ZNF423: variants seen among roughly 807,000 people sequenced by gnomAD.
The protein encoded by ZNF423 is Ebf-associated zinc finger protein.
ZNF423 carries 12 observed loss-of-function variants against 95.8 expected under a neutral mutation model. The observed-to-expected ratio is 0.13, with a 90% CI of 0.08 to 0.20. The LOEUF is 0.20. Ranked by LOEUF, ZNF423 falls within the 10% of genes least tolerant of loss-of-function variation. ZNF423 has a pLI of 1.00. For missense variants in ZNF423, 1,316 were observed against 1,737.1 expected (o/e 0.76, Z 4.31); for synonymous variants, 749 against 711.9 (o/e 1.05, Z -0.83).
chr16:49,806,601 T>C (rs969344023), intron 1 of ZNF423, among the ~76,000 whole-genome samples: 4 of 152,210 alleles, frequency 2.6e-5, no homozygotes, highest in South Asian at 2.1e-4. Flanking sequence ...GAGTCTGTCA[T>C]TGAAAACTGA....
chr16:49,605,181 T>A (rs748884795), intron 5 of ZNF423, among the ~76,000 whole-genome samples: 24 of 152,130 alleles, frequency 1.6e-4, no homozygotes, highest in Non-Finnish European at 2.9e-4. Flanking sequence ...AGATGTAGTA[T>A]CGACCAGAAT....
chr16:49,716,142 G>C (rs1197828209), intron 3 of ZNF423, among the ~76,000 whole-genome samples: 1 of 152,050 alleles, frequency 6.6e-6, no homozygotes, highest in Non-Finnish European at 1.5e-5. Context: ...AGAAAAGGCT[G>C]GGTACAGGCT....
chr16:49,626,087 A>G, intron 5 of ZNF423, 83 bp downstream of exon 5: 1 of 1,371,336 alleles, frequency 7.3e-7, no homozygotes, highest in South Asian at 1.2e-5. Context: ...TTGGCCTAAA[A>G]GCCAGTAAAA....
chr16:49,532,646 C>A (rs1968895362), intron 5 of ZNF423, among the ~76,000 whole-genome samples: 1 of 152,164 alleles, frequency 6.6e-6, no homozygotes, highest in African/African-American at 2.4e-5. Context: ...GTAAAAACAT[C>A]ACCTGGGGAG....
At chr16:49,802,698 G>A (rs2143908638) in intron 1 of ZNF423, among the ~76,000 whole-genome samples, 1 of 146,586 alleles carries the variant, frequency 6.8e-6, no homozygotes, top group South Asian at 2.4e-4. Flanking sequence ...TTCCAAATAT[G>A]TCAGAAACAC....
intron 5 of ZNF423, among the ~76,000 whole-genome samples, chr16:49,559,475 C>T (rs986734434): frequency 6.6e-6 from 1 of 152,216 alleles, no homozygotes; most frequent in Non-Finnish European, 1.5e-5. Flanking sequence ...TGAAATTCCT[C>T]CAACTCTCTC....
intron 3 of ZNF423, among the ~76,000 whole-genome samples, chr16:49,646,332 A>G (rs1973167039): frequency 6.6e-6 from 1 of 152,168 alleles, no homozygotes; most frequent in Non-Finnish European, 1.5e-5. Context: ...CATATTCCTG[A>G]TCACTTCTTG....
intron 4 of ZNF423, among the ~76,000 whole-genome samples, chr16:49,629,505 T>C (rs1480750570): frequency 6.6e-6 from 1 of 152,176 alleles, no homozygotes; most frequent in Non-Finnish European, 1.5e-5. Flanking sequence ...ACCCCCTCCA[T>C]CCTTGACTCA....
chr16:49,746,026 C>A (rs148244800), intron 2 of ZNF423, among the ~76,000 whole-genome samples: 3 of 152,078 alleles, frequency 2.0e-5, no homozygotes, highest in Non-Finnish European at 4.4e-5. Flanking sequence ...TGAGGAAGTA[C>A]GTAATTTCAT....
chr16:49,627,220 C>T (rs1300273026), intron 4 of ZNF423, among the ~76,000 whole-genome samples: 1 of 148,746 alleles, frequency 6.7e-6, no homozygotes, highest in Non-Finnish European at 1.5e-5. Context: ...ATCTACTCCA[C>T]CCATCCATCC....
At chr16:49,529,674 G>A (rs773145155) in intron 5 of ZNF423, among the ~76,000 whole-genome samples, 5 of 152,166 alleles carry the variant, frequency 3.3e-5, no homozygotes, top group Non-Finnish European at 5.9e-5. Flanking sequence ...GAAGCCAGGA[G>A]GAGAGAGAGC....
intron 1 of ZNF423, among the ~76,000 whole-genome samples, chr16:49,836,149 C>G (rs1471617652): frequency 1.3e-5 from 2 of 152,212 alleles, no homozygotes; most frequent in Non-Finnish European, 2.9e-5. Context: ...GCAAACACCT[C>G]CAACTTCGCA....
intron 5 of ZNF423, among the ~76,000 whole-genome samples, chr16:49,599,048 C>T (rs1475624800): frequency 1.3e-5 from 2 of 152,206 alleles, no homozygotes; most frequent in Admixed American, 1.3e-4. Flanking sequence ...ACACCAGGCA[C>T]CCCGGGCTCA....
intron 1 of ZNF423, chr16:49,854,899 G>T (rs2035342308): frequency 6.1e-6 from 6 of 985,288 alleles, no homozygotes; most frequent in East Asian, 1.1e-4. Flanking sequence ...CAGAAAGCCG[G>T]CCTGGGTGTC....
intron 5 of ZNF423, among the ~76,000 whole-genome samples, chr16:49,581,049 AC>A (rs1237767070): frequency 2.0e-5 from 3 of 152,158 alleles, no homozygotes; most frequent in African/African-American, 4.8e-5. Context: ...GCCACAGCCC[AC>A]CTCAGTCCTC....
chr16:49,854,563 C>G (rs1047074949), intron 1 of ZNF423: 2 of 985,326 alleles, frequency 2.0e-6, no homozygotes, highest in African/African-American at 3.5e-5. Flanking sequence ...GCTTTTGGCT[C>G]CGTAGACTTA....
At chr16:49,687,553 T>G (rs1011711276) in intron 3 of ZNF423, among the ~76,000 whole-genome samples, 3 of 152,208 alleles carry the variant, frequency 2.0e-5, no homozygotes, top group African/African-American at 7.2e-5. Context: ...TCAAAGATCT[T>G]CATTTCTGCC....
chr16:49,713,189 C>T (rs570437226), intron 3 of ZNF423, among the ~76,000 whole-genome samples: 1 of 152,288 alleles, frequency 6.6e-6, no homozygotes, highest in East Asian at 1.9e-4. Context: ...CCCACAGTCA[C>T]CTGACATAGC....
At chr16:49,548,457 G>A (rs1432983416) in intron 5 of ZNF423, among the ~76,000 whole-genome samples, 1 of 152,136 alleles carries the variant, frequency 6.6e-6, no homozygotes, top group Non-Finnish European at 1.5e-5. Flanking sequence ...ATCTGATGCG[G>A]ATTTAGAACA....
Sources: gnomAD v4.1 joint callset for allele counts (sites outside exome capture counted in the v4.1 genomes callset) on GRCh38, gnomAD v4.1.1 for gene constraint, MANE v1.5 for transcripts, NCBI Gene and HGNC (gene_info 2026-07-23, HGNC 2026-07-21) for gene names.